The following NEO1 variants were observed in gnomAD, a reference collection of about 807,000 sequenced individuals.
NEO1 encodes neogenin.
Under a neutral mutation model 159.7 loss-of-function variants are expected in NEO1, and 63 were observed. The observed-to-expected ratio is 0.39, with a 90% CI of 0.32 to 0.49. The LOEUF is 0.49. Among genes scored for constraint, NEO1 ranks in the 20% least tolerant of loss-of-function variants. The probability of loss-of-function intolerance (pLI) is 0.85; values close to 1 mark genes in which losing one functional copy is unlikely to be tolerated. For synonymous variants in NEO1, 633 were observed against 662.0 expected (o/e 0.96, Z 0.67); for missense variants, 1,615 against 1,831.0 (o/e 0.88, Z 2.15).
At chr15:73,093,571 C>CTT (rs758201657) in intron 1 of NEO1, among the ~76,000 whole-genome samples, 7 of 141,600 alleles carry the variant, frequency 4.9e-5, no homozygotes, top group Admixed American at 1.4e-4. Flanking sequence ...TGGGAAGTTC[C>CTT]TTTTTTTTTT....
intron 7 of NEO1, among the ~76,000 whole-genome samples, chr15:73,178,846 T>G (rs1342116333): frequency 6.6e-6 from 1 of 152,166 alleles, no homozygotes; most frequent in Non-Finnish European, 1.5e-5. Context: ...TGTTTTCTGC[T>G]TACATATAAG....
chr15:73,122,766 G>A lies in NEO1; in HGVS notation c.690G>A (p.Lys230=). The A allele has an allele frequency of 6.2e-7, 1 of 1,614,184 alleles. No homozygotes were observed. The highest frequency in any genetic ancestry group is 2.2e-5 in the East Asian group (1 of 44,880). Reference sequence around the variant, plus strand: ...TAGTGGAAAGTGGTGGGCCACCAAAGTATAGTGATGAAGTTGAATTGAAGG... The same window carrying A: ...TAGTGGAAAGTGGTGGGCCACCAAAATATAGTGATGAAGTTGAATTGAAGG... The part of the protein sequence containing the change: ...RCVVESGGPP[K]YSDEVELKVL... Residue 230 remains lysine (K), a synonymous_variant, in exon 3 of 29, where the codon AAG becomes AAA. Coordinates refer to ENST00000261908, the MANE Select transcript of NEO1 (RefSeq NM_002499.4).
At chr15:73,156,263 G>C in intron 5 of NEO1, among the ~76,000 whole-genome samples, 1 of 152,158 alleles carries the variant, frequency 6.6e-6, no homozygotes. Context: ...TTTTCTGTGT[G>C]TTAGTGTGCA....
chr15:73,089,336 C>T lies in NEO1; in HGVS notation c.131-27204C>T, dbSNP rs563075602. On this transcript the variant is annotated intron_variant, in intron 1 of 28. Coordinates refer to ENST00000261908, the MANE Select transcript of NEO1 (RefSeq NM_002499.4). ...ATTTGTATGTACCTGATAAAGTATT[C>T]TAATAATTGTTTTTGGTATCTTAGA... is the stretch of plus-strand genomic sequence containing the variant. Among the ~76,000 whole-genome samples the T allele has an allele frequency of 1.2e-4, 19 of 152,024 alleles. No individual in the cohort carries two copies. In the South Asian group the frequency reaches 3.9e-3, roughly 32 times the overall value.
rs754356974 is a variant in NEO1, at chr15:73,293,512, A to C, written c.3865A>C (p.Thr1289Pro). 1.9e-6 allele frequency: 3 copies of C among 1,614,158 alleles called. No individual in the cohort carries two copies. The highest frequency in any genetic ancestry group is 2.5e-6 in the Non-Finnish European group (3 of 1,180,030). ...CCCGGGCAGCCCATGGCCCATTGGC[A>C]CATCCATGTCCCTTTCAGACAGGGC... Reference protein sequence around the residue: ...YHPGSPWPIGTSMSLSDRANS... With the variant: ...YHPGSPWPIGPSMSLSDRANS... The change falls in exon 26 of 29, where the codon ACA becomes CCA. Residue 1289 changes from threonine to proline, a missense_variant. Thr to Pro is a conservative substitution (Grantham distance 38). This residue lies in a region of NEO1 where 471 missense variants were observed against 498.9 expected (regional missense o/e 0.94). Transcript: ENST00000261908.
intron 1 of NEO1, among the ~76,000 whole-genome samples, chr15:73,103,400 GT>G (rs974667614): frequency 5.9e-5 from 9 of 152,262 alleles, no homozygotes; most frequent in African/African-American, 2.2e-4. Flanking sequence ...CTGCCAGCTT[GT>G]TTCCAGGCCT....
At chr15:73,253,335 A>G (rs1173719261) in intron 11 of NEO1, 65 bp from the exon 12 acceptor site, 1 of 930,210 alleles carries the variant, frequency 1.1e-6, no homozygotes, top group Admixed American at 2.5e-5. Flanking sequence ...AGCCAAGATG[A>G]TCACATGATG....
rs1160227997 is a variant in NEO1, at chr15:73,304,469, G to A, written c.*1773G>A. The A allele has an allele frequency of 6.6e-6, 1 of 152,160 alleles. No individual in the cohort carries two copies. The highest frequency in any genetic ancestry group is 1.5e-5 in the Non-Finnish European group (1 of 68,060). The allele number at this position is 152,160 out of a possible 1,614,324, so 9.4% of individuals were successfully genotyped here. A position where few individuals can be genotyped will look rare whatever the true frequency, so the allele number is the denominator to read the frequency against. ...CCAGGCCACCTGCCTTTGAACTTGG[G>A]GATTTGCCATGTTTGATCTTGTCAC... is the stretch of plus-strand genomic sequence containing the variant. On this transcript the variant is annotated 3_prime_UTR_variant, in exon 29 of 29. Transcript: ENST00000261908.
intron 7 of NEO1, among the ~76,000 whole-genome samples, chr15:73,181,479 T>A (rs1466886157): frequency 6.6e-6 from 1 of 152,172 alleles, no homozygotes; most frequent in African/African-American, 2.4e-5. Context: ...AGAGGTTTAG[T>A]TGGCTCCCAG....
At chr15:73,055,667 C>A (rs927925395) in intron 1 of NEO1, among the ~76,000 whole-genome samples, 2 of 152,136 alleles carry the variant, frequency 1.3e-5, no homozygotes, top group African/African-American at 4.8e-5. Context: ...TTACTGAAGT[C>A]CGAAGTTAAA....
At chr15:73,236,716 G>C (rs2039193575) in intron 8 of NEO1, among the ~76,000 whole-genome samples, 1 of 152,166 alleles carries the variant, frequency 6.6e-6, no homozygotes, top group Admixed American at 6.5e-5. Context: ...CTTAGGGAGA[G>C]GGTAGATACA....
In NEO1 at chr15:73,288,460, T is replaced by G. The variant is rs1227360109; in HGVS notation, c.3558T>G (p.Thr1186=). The G allele has an allele frequency of 1.2e-6, 2 of 1,614,048 alleles. No homozygotes were observed. Among genetic ancestry groups the G allele is most frequent in the Admixed American group, 1.7e-5 (1 of 60,004 alleles). ...DKSPDPNPIM[T]DTPIPRNSQD... is the part of the protein sequence containing the mutation. ...CTCCAGACCCAAACCCCATCATGACTGATACTCCAATTCCTCGCAACTCTC... is the reference window on the plus strand; with the variant it reads ...CTCCAGACCCAAACCCCATCATGACGGATACTCCAATTCCTCGCAACTCTC... The change falls in exon 24 of 29, where the codon ACT becomes ACG. Residue 1186 remains threonine (T), a synonymous_variant. Coordinates refer to ENST00000261908, the MANE Select transcript of NEO1 (RefSeq NM_002499.4).
intron 14 of NEO1, among the ~76,000 whole-genome samples, chr15:73,259,464 C>T (rs1322724582): frequency 6.7e-6 from 1 of 149,162 alleles, no homozygotes; most frequent in Admixed American, 6.9e-5. Context: ...TGCTTAAGCA[C>T]GATCCTCCCA....
rs746750564 is a variant in NEO1 at position 73,254,757 on chromosome 15, C to A, written c.2020C>A (p.Arg674=). The A allele has an allele frequency of 3.1e-6, 5 of 1,614,058 alleles. No homozygotes were observed. The highest frequency in any genetic ancestry group is 1.1e-5 in the South Asian group (1 of 91,074). Residue 674 remains arginine, a synonymous_variant, in exon 13 of 29, where the codon CGA becomes AGA. Coordinates refer to ENST00000261908, the MANE Select transcript of NEO1 (RefSeq NM_002499.4). ...GATTACTGGCTACAAGATTCGCTAC[C>A]GAAAGGCCTCCCGAAAGAGTGATGT... is the stretch of plus-strand genomic sequence containing the variant. ...GQITGYKIRY[R]KASRKSDVTE...
chr15:73,289,236 A>C lies in NEO1; in HGVS notation c.3740A>C (p.Gln1247Pro), dbSNP rs2042068512. 6.2e-7 allele frequency: 1 copy of C among 1,613,754 alleles called. No individual in the cohort carries two copies. The highest frequency in any genetic ancestry group is 1.7e-5 in the Admixed American group (1 of 59,984). ...MMMPFDSQPP[Q>P]PVISAHPIHS... ...ATGCCCTTTGACTCCCAGCCACCCC[A>C]GCGTAAGTAGAAGCATCTCTTTTCC... is the stretch of plus-strand genomic sequence containing the variant. The change falls in exon 25 of 29, where the codon CAG becomes CCG. Residue 1247 changes from glutamine (Q) to proline (P), a missense_variant and splice_region_variant. This residue lies in a region of NEO1 where 471 missense variants were observed against 498.9 expected (regional missense o/e 0.94). Transcript: ENST00000261908.
intron 7 of NEO1, among the ~76,000 whole-genome samples, chr15:73,207,510 C>T (rs1356176322): frequency 6.6e-6 from 1 of 152,204 alleles, no homozygotes; most frequent in Non-Finnish European, 1.5e-5. Context: ...TTAAATGCCA[C>T]CTCAGCAGCA....
At chr15:73,192,718 A>C (rs2036304258) in intron 7 of NEO1, among the ~76,000 whole-genome samples, 1 of 152,006 alleles carries the variant, frequency 6.6e-6, no homozygotes, top group African/African-American at 2.4e-5. Context: ...CAAGTTGCAG[A>C]AAAGTATGTA....
At chr15:73,280,237 G>A (rs1306571495) in intron 22 of NEO1, among the ~76,000 whole-genome samples, 3 of 151,678 alleles carry the variant, frequency 2.0e-5, no homozygotes, top group African/African-American at 7.3e-5. Context: ...AGTGAGCCGA[G>A]GTCACACCAC....
chr15:73,054,613 G>C (rs2067613372), intron 1 of NEO1, among the ~76,000 whole-genome samples: 1 of 152,178 alleles, frequency 6.6e-6, no homozygotes, highest in Admixed American at 6.5e-5. Context: ...CACAAGAACT[G>C]AGATCTGAGG....
Sources: allele counts gnomAD v4.1 joint callset (sites outside exome capture counted in the v4.1 genomes callset), GRCh38; gene constraint gnomAD v4.1.1; regional missense constraint gnomAD v4.1.1; transcripts MANE v1.5; gene names NCBI Gene and HGNC (gene_info 2026-07-23, HGNC 2026-07-21).